Variants in PELI2 observed in about 807,000 individuals in gnomAD.
The protein encoded by PELI2 is E3 ubiquitin-protein ligase pellino homolog 2.
Under a neutral mutation model 42.3 loss-of-function variants are expected in PELI2, and 23 were observed. That is an observed-to-expected ratio of 0.54 (90% CI 0.39 to 0.77). PELI2 has a LOEUF of 0.77. Among genes scored for constraint, PELI2 ranks in the 30% least tolerant of loss-of-function variants. PELI2 has a pLI of 0.00. For synonymous variants in PELI2, 245 were observed against 212.2 expected, an observed-to-expected ratio of 1.15 and a Z score of -1.34; for missense variants, 463 against 553.2, an observed-to-expected ratio of 0.84 and a Z score of 1.64.
intron 1 of PELI2, among the ~76,000 whole-genome samples, chr14:56,138,005 T>G (rs893264739): frequency 3.3e-5 from 5 of 152,192 alleles, no homozygotes; most frequent in Non-Finnish European, 7.3e-5. Context: ...GGCTGCTGTC[T>G]TTGCTGCCTC....
intron 1 of PELI2, among the ~76,000 whole-genome samples, chr14:56,130,925 G>A (rs1204353977): frequency 6.6e-6 from 1 of 152,150 alleles, no homozygotes; most frequent in African/African-American, 2.4e-5. Flanking sequence ...TGTTGCTGTC[G>A]TTGGTAATTT....
Position 56,288,461 on chromosome 14 carries a change from A to G in PELI2, c.334A>G (p.Ile112Val). The G allele has an allele frequency of 6.2e-7, 1 of 1,614,058 alleles. No individual in the cohort carries two copies. The highest frequency in any genetic ancestry group is 1.1e-5 in the South Asian group (1 of 91,050). Residue 112 changes from isoleucine (I) to valine (V), a missense_variant, in exon 4 of 6, where the codon ATC (isoleucine) becomes GTC (valine). By Grantham distance (29) the Ile-to-Val change is conservative. Around this residue, in one of 3 missense-constraint regions of PELI2, gnomAD observed 343 missense variants for 378.4 expected, o/e 0.91. Transcript: ENST00000267460. The surrounding 1 kb of genome is among the most constrained non-coding windows in gnomAD (Gnocchi z 4.6). Reference protein sequence around the residue: ...FQVGRSTESPIDFVVTDTISG... With the variant: ...FQVGRSTESPVDFVVTDTISG... ...GGTGGGCAGATCAACAGAAAGCCCT[A>G]TCGACTTCGTTGTCACAGACACGAT... is the stretch of plus-strand genomic sequence containing the variant.
Position 56,198,094 on chromosome 14 carries a change from A to G in PELI2, c.207+19630A>G, listed in dbSNP as rs926611175. Among the ~76,000 whole-genome samples the G allele has an allele frequency of 3.3e-5, 5 of 152,158 alleles. No individual in the cohort carries two copies. In the East Asian group the frequency reaches 7.7e-4, roughly 23 times the overall value. ...GGAGTAGAAGTACAGAGAAGCGAAT[A>G]TATCTTTGAGGAAGAAGCAACGGGA... On this transcript the variant is annotated intron_variant, in intron 2 of 5. Coordinates refer to ENST00000267460, the MANE Select transcript of PELI2 (RefSeq NM_021255.3).
chr14:56,272,090 T>C (rs543071426), intron 2 of PELI2, among the ~76,000 whole-genome samples: 223 of 151,958 alleles, frequency 1.5e-3, no homozygotes, highest in African/African-American at 5.2e-3. Flanking sequence ...ACAACCCTAA[T>C]TATATCTACA....
At chr14:56,295,099 C>T (rs1214566911) in intron 5 of PELI2, among the ~76,000 whole-genome samples, 1 of 152,108 alleles carries the variant, frequency 6.6e-6, no homozygotes, top group African/African-American at 2.4e-5. Context: ...ATTTCTTTCT[C>T]TCTAGTCCCT....
chr14:56,209,073 T>G (rs1886621393), intron 2 of PELI2, among the ~76,000 whole-genome samples: 2 of 152,240 alleles, frequency 1.3e-5, no homozygotes, highest in Non-Finnish European at 2.9e-5. Context: ...ATGAAATATG[T>G]CAACATTTGT....
intron 2 of PELI2, among the ~76,000 whole-genome samples, chr14:56,262,900 A>G (rs982909703): frequency 2.6e-5 from 4 of 152,196 alleles, no homozygotes; most frequent in Admixed American, 2.6e-4. Context: ...ATTTTTGTGT[A>G]TAATAACTTT....
At chr14:56,240,499 T>C (rs546437259) in intron 2 of PELI2, among the ~76,000 whole-genome samples, 1 of 152,210 alleles carries the variant, frequency 6.6e-6, no homozygotes, top group South Asian at 2.1e-4. Context: ...CGGGGGTGAA[T>C]TGCCATATTT....
At chr14:56,118,925 T>A (rs1566590244) in intron 1 of PELI2, among the ~76,000 whole-genome samples, 188 bp downstream of exon 1, 2 of 149,774 alleles carry the variant, frequency 1.3e-5, no homozygotes, top group Non-Finnish European at 3.0e-5. Context: ...GCGCTCGGGG[T>A]GCTGCGGCGG....
At chr14:56,207,235 T>A (rs1886550392) in intron 2 of PELI2, among the ~76,000 whole-genome samples, 1 of 152,236 alleles carries the variant, frequency 6.6e-6, no homozygotes, top group Admixed American at 6.5e-5. Context: ...CTGAATAATC[T>A]CTATATAAAC....
At chr14:56,212,477 G>C (rs560866905) in intron 2 of PELI2, among the ~76,000 whole-genome samples, 1 of 152,140 alleles carries the variant, frequency 6.6e-6, no homozygotes, top group Non-Finnish European at 1.5e-5. Flanking sequence ...CCCTGGGATT[G>C]GGGGGAGAGA....
chr14:56,263,066 C>T (rs1888772473), intron 2 of PELI2, among the ~76,000 whole-genome samples: 1 of 152,140 alleles, frequency 6.6e-6, no homozygotes, highest in South Asian at 2.1e-4. Context: ...AAGCAATTCT[C>T]CTGCCTCAGC....
chr14:56,238,761 G>C (rs757779206), intron 2 of PELI2, among the ~76,000 whole-genome samples: 1 of 152,176 alleles, frequency 6.6e-6, no homozygotes, highest in Non-Finnish European at 1.5e-5. Context: ...TAAAAGCCAG[G>C]TGAGTGGCAG....
chr14:56,288,706 G>GAAAA lies in PELI2; in HGVS notation c.507+72_507+73insAAAA. 4 of 1,058,276 alleles carry GAAAA rather than the reference G, an allele frequency of 3.8e-6. No homozygotes were observed. Among genetic ancestry groups the GAAAA allele is most frequent in the Admixed American group, 6.6e-5 (2 of 30,254 alleles). The allele number at this position is 1,058,276 out of a possible 1,614,324, so 65.6% of individuals were successfully genotyped here. ...TTATGATATGGAACATTTAATTGGA[G>GAAAA]CAAAAAAAAATTGGCTTTGTATGTT... On this transcript the variant is annotated intron_variant, in intron 4 of 5. Transcript: ENST00000267460. The surrounding 1 kb of genome is among the most constrained non-coding windows in gnomAD (Gnocchi z 4.6).
intron 2 of PELI2, among the ~76,000 whole-genome samples, chr14:56,232,102 TCG>T (rs1400572719): frequency 5.3e-5 from 8 of 152,204 alleles, no homozygotes; most frequent in African/African-American, 1.9e-4. Context: ...GGCTCTGAAA[TCG>T]TGGCAATAAT....
chr14:56,160,712 G>A (rs1884728357), intron 1 of PELI2, among the ~76,000 whole-genome samples: 2 of 152,116 alleles, frequency 1.3e-5, no homozygotes, highest in African/African-American at 2.4e-5. Context: ...TTTCTTAGAC[G>A]GGATGCCAGT....
intron 2 of PELI2, among the ~76,000 whole-genome samples, chr14:56,249,181 C>T (rs1888260047): frequency 6.6e-6 from 1 of 152,120 alleles, no homozygotes; most frequent in South Asian, 2.1e-4. Flanking sequence ...GAATTCTAAG[C>T]TTAAGGAATT....
chr14:56,169,009 A>T (rs1943980892), intron 1 of PELI2, among the ~76,000 whole-genome samples: 1 of 151,988 alleles, frequency 6.6e-6, no homozygotes, highest in African/African-American at 2.4e-5. Flanking sequence ...CATGACTCTG[A>T]CTGGTGCCCT....
intron 1 of PELI2, among the ~76,000 whole-genome samples, chr14:56,154,873 T>TAACGGTA (rs1365584236): frequency 6.6e-6 from 1 of 152,238 alleles, no homozygotes; most frequent in East Asian, 1.9e-4. Flanking sequence ...GTAACATTCT[T>TAACGGTA]AACGGTAGTA....
Sources: gnomAD v4.1 joint callset for allele counts (sites outside exome capture counted in the v4.1 genomes callset) on GRCh38, gnomAD v4.1.1 for gene constraint, gnomAD v4.1.1 regional missense constraint, Gnocchi (gnomAD v3.1) non-coding constraint, MANE v1.5 for transcripts, NCBI Gene and HGNC (gene_info 2026-07-23, HGNC 2026-07-21) for gene names.